Variants in ABCB7 observed in about 807,000 individuals in gnomAD.
ABCB7 encodes the protein ATP binding cassette subfamily B member 7.
Under a neutral mutation model 54.4 loss-of-function variants are expected in ABCB7, and 7 were observed. The observed-to-expected ratio is 0.13, with a 90% CI of 0.07 to 0.24. ABCB7 has a LOEUF of 0.24. Ranked by LOEUF, ABCB7 falls within the 10% of genes least tolerant of loss-of-function variation. The pLI is 1.00. For synonymous variants in ABCB7, 218 were observed against 207.1 expected (o/e 1.05, Z -0.45); for missense variants, 356 against 570.4 (o/e 0.62, Z 3.83).
intron 6 of ABCB7, 112 bp from the exon 7 acceptor site, chrX:75,074,068 C>T (rs1345518160): frequency 1.6e-5 from 10 of 624,694 alleles, no homozygotes; most frequent in African/African-American, 8.9e-5. Context: ...AATATGGTGG[C>T]GTGAAGTTAT....
chrX:75,132,027 C>T (rs1344217053), intron 1 of ABCB7, among the ~76,000 whole-genome samples: 1 of 111,779 alleles, frequency 8.9e-6, no homozygotes, highest in East Asian at 2.8e-4. Context: ...AGTCCCCACC[C>T]CTCCTCTTCA....
intron 1 of ABCB7, among the ~76,000 whole-genome samples, chrX:75,115,791 G>C (rs548725348): frequency 8.4e-5 from 9 of 107,565 alleles, no homozygotes; most frequent in East Asian, 3.0e-4. Context: ...TGTGTTGGGG[G>C]GGGGGGCACG....
chrX:75,131,820 A>G (rs2081975767), intron 1 of ABCB7, among the ~76,000 whole-genome samples: 1 of 111,670 alleles, frequency 9.0e-6, no homozygotes. Flanking sequence ...AACCACCCTG[A>G]CACCACCTGA....
chrX:75,121,606 G>C (rs1415506875), intron 1 of ABCB7, among the ~76,000 whole-genome samples: 2 of 111,634 alleles, frequency 1.8e-5, no homozygotes, highest in Non-Finnish European at 3.8e-5. Context: ...ATCAAGATCA[G>C]TATTCTATTC....
rs761277251 is a variant in ABCB7 at position 75,102,599 on chromosome X, G to A, written c.334-3538C>T. On this transcript the variant is annotated intron_variant, in intron 3 of 15. Coordinates refer to ENST00000373394, the MANE Select transcript of ABCB7 (RefSeq NM_001271696.3). ...GATTCCATATCAGCTATTGTGAAAC[G>A]TACTGCAATCAACATACAACATGCA... 1.8e-4 allele frequency among the ~76,000 whole-genome samples: 20 copies of A among 111,648 alleles called. No homozygotes were observed. In the South Asian group the frequency reaches 6.6e-3, roughly 37 times the overall value.
chrX:75,098,016 A>C (rs1206434855), intron 4 of ABCB7, among the ~76,000 whole-genome samples: 1 of 111,572 alleles, frequency 9.0e-6, no homozygotes, highest in Admixed American at 9.5e-5. Flanking sequence ...TTAAAATCTG[A>C]GTAAATTGGG....
At chrX:75,053,925 C>A (rs796163813) in intron 15 of ABCB7, among the ~76,000 whole-genome samples, 1 of 111,175 alleles carries the variant, frequency 9.0e-6, no homozygotes, top group South Asian at 3.8e-4. Context: ...CTGTAATCAG[C>A]AAATATTCAA....
intron 15 of ABCB7, among the ~76,000 whole-genome samples, chrX:75,057,756 C>T (rs2081252590): frequency 9.5e-6 from 1 of 104,938 alleles, no homozygotes; most frequent in Admixed American, 1.1e-4. Flanking sequence ...TTCTCAAATA[C>T]AAATATCTTT....
chrX:75,090,104 A>C (rs1317482827), intron 4 of ABCB7, among the ~76,000 whole-genome samples: 1 of 110,845 alleles, frequency 9.0e-6, no homozygotes. Context: ...AAAATGCATG[A>C]GGCAAAAACT....
chrX:75,102,786 C>G (rs2081650834), intron 3 of ABCB7, among the ~76,000 whole-genome samples: 1 of 111,252 alleles, frequency 9.0e-6, no homozygotes, highest in African/African-American at 3.3e-5. Context: ...TGTATAAGAG[C>G]TTCCTTTTCT....
At chrX:75,130,735 A>C (rs2081968313) in intron 1 of ABCB7, among the ~76,000 whole-genome samples, 1 of 111,505 alleles carries the variant, frequency 9.0e-6, no homozygotes, top group Non-Finnish European at 1.9e-5. Context: ...CAACAAAAAG[A>C]GTTAAACTTA....
rs754152511 is a variant in ABCB7 at position 75,143,189 on chromosome X, T to A, written c.168+12916A>T. Among the ~76,000 whole-genome samples the A allele has an allele frequency of 2.7e-5, 3 of 111,852 alleles. No homozygotes were observed. The South Asian group carries it at 1.1e-3, about 42-fold the overall frequency. The stretch of plus-strand genomic sequence containing the variant: ...CCAAATCACCTCTTGAATGCTTTGC[T>A]GCTTAGAAATTTCTTCTGCTAGATG... On this transcript the variant is annotated intron_variant, in intron 1 of 15. Coordinates refer to ENST00000373394, the MANE Select transcript of ABCB7 (RefSeq NM_001271696.3).
chrX:75,098,770 G>A (rs1402538704), intron 4 of ABCB7, among the ~76,000 whole-genome samples, 172 bp downstream of exon 4: 3 of 111,868 alleles, frequency 2.7e-5, no homozygotes, highest in Non-Finnish European at 5.6e-5. Flanking sequence ...GAGATAAACA[G>A]GACATTACCA....
intron 3 of ABCB7, among the ~76,000 whole-genome samples, chrX:75,108,581 GAA>G (rs776151797): frequency 2.9e-5 from 2 of 69,940 alleles, no homozygotes; most frequent in African/African-American, 1.0e-4. Flanking sequence ...ATTAGATCCA[GAA>G]AAAAAAAAAA....
chrX:75,115,811 T>C (rs772154731), intron 1 of ABCB7, among the ~76,000 whole-genome samples: 2 of 107,289 alleles, frequency 1.9e-5, no homozygotes, highest in Non-Finnish European at 3.8e-5. Flanking sequence ...GGGGCAGAAT[T>C]AGACATGCCT....
rs1201126945 is a variant in ABCB7 at position 75,069,645 on chromosome X, C to T, written c.1366-191G>A. On this transcript the variant is annotated intron_variant, in intron 10 of 15. Transcript: ENST00000373394. Reference sequence around the variant, plus strand: ...CGCTTCATGGCTAAGGTAAAACAAACCCTGAATGTTTTGGTTTCTGAGCAA... The same window carrying T: ...CGCTTCATGGCTAAGGTAAAACAAATCCTGAATGTTTTGGTTTCTGAGCAA... Among the ~76,000 whole-genome samples, 4 of 110,626 alleles carry T rather than the reference C, an allele frequency of 3.6e-5. No individual in the cohort carries two copies. The Admixed American group carries it at 3.9e-4, about 11-fold the overall frequency.
intron 1 of ABCB7, among the ~76,000 whole-genome samples, chrX:75,141,545 TG>T (rs1412868195): frequency 9.0e-6 from 1 of 111,717 alleles, no homozygotes. Flanking sequence ...ATTGGTGAAC[TG>T]ATGGCTGAAC....
chrX:75,128,274 G>A (rs1206084248), intron 1 of ABCB7, among the ~76,000 whole-genome samples: 1 of 111,200 alleles, frequency 9.0e-6, no homozygotes, highest in Non-Finnish European at 1.9e-5. Context: ...GAACAGAACA[G>A]GGGCCTCAGA....
At chrX:75,109,234 A>C (rs181364401) in intron 3 of ABCB7, among the ~76,000 whole-genome samples, 2 of 112,172 alleles carry the variant, frequency 1.8e-5, no homozygotes, top group Admixed American at 9.4e-5. Context: ...AGCTATACCT[A>C]ATAACGATGT....
Sources: allele counts gnomAD v4.1 joint callset (sites outside exome capture counted in the v4.1 genomes callset), GRCh38; gene constraint gnomAD v4.1.1; transcripts MANE v1.5; gene names NCBI Gene and HGNC (gene_info 2026-07-23, HGNC 2026-07-21).